The following MME variants were observed in gnomAD, a reference collection of about 807,000 sequenced individuals.
MME encodes the protein membrane metalloendopeptidase.
A neutral mutation model predicts 113.2 loss-of-function variants in MME; 98 were observed. The ratio of observed to expected loss-of-function variants is 0.87; its 90% CI spans 0.74 to 1.02. The LOEUF (loss-of-function observed/expected upper bound fraction) is 1.02. MME is among the 50% of genes least tolerant of loss of function. The pLI, the probability that MME is intolerant of heterozygous loss-of-function variation, is 0.00. For missense variants in MME, 836 were observed against 896.0 expected (o/e 0.93, Z 0.86); for synonymous variants, 292 against 300.6 (o/e 0.97, Z 0.30).
chr3:155,048,517 G>A (rs1394701206), intron 1 of MME, among the ~76,000 whole-genome samples: 10 of 152,164 alleles, frequency 6.6e-5, no homozygotes, highest in Admixed American at 6.5e-4. Flanking sequence ...GTACTTAAAT[G>A]ACAACAAATC....
At chr3:155,061,382 C>T (rs1022286401) in intron 1 of MME, among the ~76,000 whole-genome samples, 30 of 141,064 alleles carry the variant, frequency 2.1e-4, no homozygotes, top group East Asian at 4.5e-4. Context: ...ACCAGGGAGG[C>T]GGAGCTTGCA....
In MME at chr3:155,115,025, C is replaced by T. The variant is rs200931450; in HGVS notation, c.228C>T (p.Thr76=). The T allele has an allele frequency of 1.9e-6, 3 of 1,614,028 alleles. No homozygotes were observed. Among genetic ancestry groups the T allele is most frequent in the South Asian group, 2.2e-5 (2 of 91,078 alleles). Residue 76 remains threonine (T), a synonymous_variant, in exon 4 of 23, where the codon ACC becomes ACT. Coordinates refer to ENST00000360490, the MANE Select transcript of MME (RefSeq NM_007289.4). ...GACTGATCCAAAACATGGATGCCAC[C>T]ACTGAGCCTTGTACAGACTTTTTCA... is the stretch of plus-strand genomic sequence containing the variant. ...AARLIQNMDA[T]TEPCTDFFKY...
At chr3:155,056,849 G>C in intron 1 of MME, among the ~76,000 whole-genome samples, 1 of 152,170 alleles carries the variant, frequency 6.6e-6, no homozygotes, top group Admixed American at 6.5e-5. Flanking sequence ...ATGGGGAAAG[G>C]AGTCCCTATT....
intron 1 of MME, among the ~76,000 whole-genome samples, chr3:155,040,852 A>G (rs1713291191): frequency 6.6e-6 from 1 of 152,168 alleles, no homozygotes; most frequent in Non-Finnish European, 1.5e-5. Context: ...TTAAGAAACT[A>G]TTACTCAAAA....
chr3:155,161,725 C>CATATTATTTATA (rs1722737869), intron 17 of MME, among the ~76,000 whole-genome samples: 1 of 152,066 alleles, frequency 6.6e-6, no homozygotes. Context: ...CCAGAAAAGA[C>CATATTATTTATA]TGTTTTGTAT....
chr3:155,124,773 G>A (rs1435632211), intron 8 of MME, among the ~76,000 whole-genome samples: 2 of 149,802 alleles, frequency 1.3e-5, no homozygotes, highest in African/African-American at 2.4e-5. Context: ...GCAGTCTGCC[G>A]GTTCTCAGAT....
intron 15 of MME, 58 bp downstream of exon 15, chr3:155,147,282 A>AT (rs1230494930): frequency 1.9e-6 from 2 of 1,061,782 alleles, no homozygotes; most frequent in African/African-American, 3.1e-5. Context: ...TAGTAGTGTC[A>AT]TTTTTAGCTA....
chr3:155,143,439 G>T lies in MME; in HGVS notation c.1189-4G>T, dbSNP rs182602615. The T allele has an allele frequency of 4.3e-6, 7 of 1,611,128 alleles. No homozygotes were observed. In the Admixed American group the frequency reaches 8.4e-5, roughly 19 times the overall value. On this transcript the variant is annotated splice_region_variant and splice_polypyrimidine_tract_variant and intron_variant, in intron 12 of 22. Coordinates refer to ENST00000360490, the MANE Select transcript of MME (RefSeq NM_007289.4). The stretch of plus-strand genomic sequence containing the variant: ...AAATGCCATTTCCTTTTTCTTTTCC[G>T]TAGGCCCTTTATGGTACAACCTCAG...
rs184151661 is a variant in MME, at chr3:155,158,623, T to G, written c.1602-1767T>G. On this transcript the variant is annotated intron_variant, in intron 16 of 22. Coordinates refer to ENST00000360490, the MANE Select transcript of MME (RefSeq NM_007289.4). ...CATGATTTTTGTTTATTTTCTTTTA[T>G]AATACTTCGTAGTCACGTCAACGCA... The G allele has an allele frequency of 1.1e-4, 16 of 152,186 alleles. No individual in the cohort carries two copies. In the East Asian group the frequency reaches 3.1e-3, roughly 29 times the overall value. 9.4% of individuals were successfully genotyped at this position (152,186 alleles called of 1,614,324 possible). A position where few individuals can be genotyped will look rare whatever the true frequency, so the allele number is the denominator to read the frequency against.
At chr3:155,170,283 G>T (rs995227254) in intron 20 of MME, among the ~76,000 whole-genome samples, 1 of 152,144 alleles carries the variant, frequency 6.6e-6, no homozygotes, top group Non-Finnish European at 1.5e-5. Flanking sequence ...GACATCAAGC[G>T]ATCCACCTGC....
At chr3:155,100,864 T>G (rs1445540077) in intron 3 of MME, among the ~76,000 whole-genome samples, 2 of 152,130 alleles carry the variant, frequency 1.3e-5, no homozygotes, top group Non-Finnish European at 2.9e-5. Context: ...AATAAATAAA[T>G]AAATAACTTA....
chr3:155,111,772 C>T (rs1718208468), intron 3 of MME, among the ~76,000 whole-genome samples: 1 of 151,982 alleles, frequency 6.6e-6, no homozygotes, highest in Non-Finnish European at 1.5e-5. Flanking sequence ...CTTTCATTTC[C>T]CCAGAAAGAG....
chr3:155,059,812 ATAGTC>A (rs750689413), intron 1 of MME, among the ~76,000 whole-genome samples: 1 of 152,212 alleles, frequency 6.6e-6, no homozygotes, highest in Non-Finnish European at 1.5e-5. Flanking sequence ...TGAATTTTAT[ATAGTC>A]TAATCAATCA....
At chr3:155,027,074 T>C (rs1712810496) in intron 1 of MME, among the ~76,000 whole-genome samples, 2 of 152,158 alleles carry the variant, frequency 1.3e-5, no homozygotes, top group Non-Finnish European at 2.9e-5. Context: ...GTCTCAAGCT[T>C]CTCTTTGCAT....
rs1370835688 is a variant in MME, at chr3:155,116,413, C to G, written c.359-66C>G. 3.5e-5 allele frequency: 41 copies of G among 1,171,082 alleles called. No individual in the cohort carries two copies. In the Admixed American group the frequency reaches 6.6e-4, roughly 19 times the overall value. The allele number at this position is 1,171,082 out of a possible 1,614,324, so 72.5% of individuals were successfully genotyped here. A position where few individuals can be genotyped will look rare whatever the true frequency, so the allele number is the denominator to read the frequency against. ...GCAAATGTTAATTACTGCAAATGAG[C>G]AATTATGTTTGCATAGTGCAAATGA... On this transcript the variant is annotated intron_variant, in intron 4 of 22. Transcript: ENST00000360490.
At chr3:155,134,572 G>C (rs139703352) in intron 8 of MME, among the ~76,000 whole-genome samples, 1 of 152,194 alleles carries the variant, frequency 6.6e-6, no homozygotes, top group African/African-American at 2.4e-5. Flanking sequence ...CTACGTTTTT[G>C]CTATTGTGAG....
chr3:155,110,136 A>T (rs573475967), intron 3 of MME, among the ~76,000 whole-genome samples: 1 of 152,336 alleles, frequency 6.6e-6, no homozygotes, highest in African/African-American at 2.4e-5. Flanking sequence ...AGACAGGACA[A>T]AGGAAGAGTA....
At chr3:155,172,718 C>A in intron 22 of MME, 106 bp downstream of exon 22, 16 of 810,742 alleles carry the variant, frequency 2.0e-5, no homozygotes, top group Non-Finnish European at 3.0e-5. Context: ...TTTGGAAATT[C>A]AGTGCTTTTT....
intron 8 of MME, among the ~76,000 whole-genome samples, chr3:155,126,336 A>T (rs201024629): frequency 2.9e-5 from 3 of 104,122 alleles, no homozygotes; most frequent in South Asian, 2.7e-4. Context: ...TATGATACAT[A>T]TTTTTTTTAC....
Sources: gnomAD v4.1 joint callset for allele counts (sites outside exome capture counted in the v4.1 genomes callset) on GRCh38, gnomAD v4.1.1 for gene constraint, MANE v1.5 for transcripts, NCBI Gene and HGNC (gene_info 2026-07-23, HGNC 2026-07-21) for gene names.